The following POR variants were observed in gnomAD, a reference collection of about 807,000 sequenced individuals.
POR encodes NADPH--cytochrome P450 reductase.
POR carries 56 observed loss-of-function variants against 84.0 expected under a neutral mutation model. That is an observed-to-expected ratio of 0.67 (90% CI 0.54 to 0.83). POR has a LOEUF of 0.83. Ranked by LOEUF, POR falls within the 40% of genes least tolerant of loss-of-function variation. The probability of loss-of-function intolerance (pLI) is 0.00; values close to 1 mark genes in which losing one functional copy is unlikely to be tolerated. For missense variants in POR, 938 were observed against 944.3 expected, an observed-to-expected ratio of 0.99 and a Z score of 0.09; for synonymous variants, 414 against 400.5, an observed-to-expected ratio of 1.03 and a Z score of -0.40.
chr7:75,923,073 T>G, intron 1 of POR: 3 of 703,638 alleles, frequency 4.3e-6, no homozygotes, highest in Non-Finnish European at 7.8e-6. Context: ...GGAGAGCCAT[T>G]GCAAGACTTA....
intron 3 of POR, among the ~76,000 whole-genome samples, chr7:75,976,467 G>A (rs566248395): frequency 2.7e-5 from 4 of 149,306 alleles, no homozygotes; most frequent in South Asian, 4.2e-4. Flanking sequence ...CCTTTTGGCC[G>A]GGTGCAGTGG....
intron 12 of POR, 185 bp downstream of exon 12, chr7:75,985,392 A>G (rs948770756): frequency 1.8e-6 from 2 of 1,130,556 alleles, no homozygotes; most frequent in Non-Finnish European, 2.4e-6. Context: ...GATTCTCAGC[A>G]TCTGTCCAGC....
At position 75,954,164 on chromosome 7, in the gene POR, A is replaced by G. The variant is rs781793249; in HGVS notation, c.172A>G (p.Thr58Ala). 11 of 1,610,412 alleles carry G rather than the reference A, an allele frequency of 6.8e-6. No homozygotes were observed. In the South Asian group the frequency reaches 1.2e-4, roughly 18 times the overall value. The stretch of plus-strand genomic sequence containing the variant: ...GAAAAAAGAAGAAGTCCCCGAGTTC[A>G]CCAAAATTCAGACATTGTAAGTGCC... The change falls in exon 2 of 16, where the codon ACC becomes GCC. Residue 58 changes from threonine to alanine, a missense_variant. Thr to Ala is a moderately conservative substitution (Grantham distance 58). Transcript: ENST00000461988.
intron 3 of POR, among the ~76,000 whole-genome samples, chr7:75,975,908 T>C (rs1788665782): frequency 7.0e-6 from 1 of 143,218 alleles, no homozygotes; most frequent in Admixed American, 7.3e-5. Context: ...TGGTGTGGCC[T>C]CCCAGGGTAC....
At chr7:75,975,379 C>T (rs1788634650) in intron 3 of POR, among the ~76,000 whole-genome samples, 1 of 152,130 alleles carries the variant, frequency 6.6e-6, no homozygotes, top group African/African-American at 2.4e-5. Context: ...GTGGCTCATG[C>T]CTGTAATCCC....
At chr7:75,979,384 G>A (rs2116579484) in intron 3 of POR, 67 bp from the exon 4 acceptor site, 2 of 1,578,508 alleles carry the variant, frequency 1.3e-6, no homozygotes, top group South Asian at 2.3e-5. Flanking sequence ...GGCCTGCCCA[G>A]TGGGTGTTCA....
At chr7:75,972,320 C>T in intron 2 of POR, 93 bp from the exon 3 acceptor site, 1 of 1,136,142 alleles carries the variant, frequency 8.8e-7, no homozygotes, top group Admixed American at 2.0e-5. Flanking sequence ...CACAGCATCC[C>T]ATGAAACCTG....
chr7:75,979,712 TCCCGTGAGGGTCATTGCCATCCCTGC>T lies in POR; in HGVS notation c.366+136_366+161del, dbSNP rs1242454893. 4 of 1,288,224 alleles carry T rather than the reference TCCCGTGAGGGTCATTGCCATCCCTGC, an allele frequency of 3.1e-6. No individual in the cohort carries two copies. The African/African-American group carries it at 5.8e-5, about 19-fold the overall frequency. 79.8% of individuals were successfully genotyped at this position (1,288,224 alleles called of 1,614,324 possible). ...GGGAAGACGTCCTCGGAAGTTGCCT[TCCCGTGAGGGTCATTGCCATCCCTGC>T]CCGGGCTGACTGACGGAAGGGCCAT... On this transcript the variant is annotated intron_variant, in intron 4 of 15. Transcript: ENST00000461988.
At chr7:75,980,736 G>A (rs1788969633) in intron 5 of POR, 8 of 1,493,720 alleles carry the variant, frequency 5.4e-6, no homozygotes, top group Non-Finnish European at 6.3e-6. Flanking sequence ...AGAAAGGTCT[G>A]GCTGGACGAC....
intron 1 of POR, among the ~76,000 whole-genome samples, chr7:75,936,938 T>G (rs1450468985): frequency 6.6e-6 from 1 of 150,422 alleles, no homozygotes; most frequent in African/African-American, 2.4e-5. Context: ...GCCATTCTCC[T>G]GCCTCAGCCT....
intron 1 of POR, among the ~76,000 whole-genome samples, chr7:75,917,203 G>T (rs1399646889): frequency 6.6e-6 from 1 of 151,686 alleles, no homozygotes; most frequent in Non-Finnish European, 1.5e-5. Context: ...AAGTAGTTGG[G>T]AGTACAGGCA....
At chr7:75,956,137 G>A (rs1409106793) in intron 2 of POR, among the ~76,000 whole-genome samples, 3 of 151,956 alleles carry the variant, frequency 2.0e-5, no homozygotes, top group African/African-American at 7.3e-5. Flanking sequence ...CGTCTCTACC[G>A]AAAATACAAA....
In POR at chr7:75,981,088, C is replaced by T. The variant is rs781824220; in HGVS notation, c.557C>T (p.Ala186Val). Residue 186 changes from alanine to valine, a missense_variant, in exon 6 of 16, where the codon GCC becomes GTC. Transcript: ENST00000461988. ...AACAAGACCTACGAGCACTTCAATG[C>T]CATGGGCAAGTACGTGGACAAGCGG... 3.2e-6 allele frequency: 5 copies of T among 1,574,578 alleles called. No individual in the cohort carries two copies. The highest frequency in any genetic ancestry group is 1.7e-4 in the Middle Eastern group (1 of 5,782).
intron 2 of POR, among the ~76,000 whole-genome samples, chr7:75,968,915 G>GGAT (rs1788312208): frequency 6.6e-6 from 1 of 152,214 alleles, no homozygotes; most frequent in African/African-American, 2.4e-5. Flanking sequence ...CGGGCTTCTG[G>GGAT]GATGGGAGCC....
intron 2 of POR, among the ~76,000 whole-genome samples, chr7:75,965,542 G>T (rs1287356048): frequency 6.6e-6 from 1 of 151,864 alleles, no homozygotes; most frequent in African/African-American, 2.4e-5. Flanking sequence ...GCACACAATA[G>T]CAGAGCCACT....
intron 2 of POR, among the ~76,000 whole-genome samples, chr7:75,966,504 C>T (rs1012827936): frequency 2.6e-5 from 4 of 152,148 alleles, no homozygotes; most frequent in Non-Finnish European, 2.9e-5. Flanking sequence ...GTGCCTCAGC[C>T]GCCACCCCTT....
intron 1 of POR, among the ~76,000 whole-genome samples, chr7:75,949,504 G>T (rs543671281): frequency 2.7e-5 from 4 of 150,652 alleles, no homozygotes; most frequent in African/African-American, 9.8e-5. Flanking sequence ...AGGGTTTGTT[G>T]TTGTTGTTGT....
intron 1 of POR, among the ~76,000 whole-genome samples, chr7:75,926,030 C>CTTTTT (rs869058308): frequency 1.7e-5 from 2 of 114,848 alleles, no homozygotes; most frequent in Non-Finnish European, 3.4e-5. Context: ...TTTTCTCTCT[C>CTTTTT]TTTTTTTTTT....
intron 1 of POR, among the ~76,000 whole-genome samples, chr7:75,918,952 A>G (rs1020290783): frequency 2.7e-5 from 4 of 150,052 alleles, no homozygotes; most frequent in Non-Finnish European, 5.9e-5. Context: ...AGAGATGGGG[A>G]GGTGTTTTAA....
Sources: gnomAD v4.1 joint callset for allele counts (sites outside exome capture counted in the v4.1 genomes callset) on GRCh38, gnomAD v4.1.1 for gene constraint, MANE v1.5 for transcripts, NCBI Gene and HGNC (gene_info 2026-07-23, HGNC 2026-07-21) for gene names.